Variants in LTBP1 observed in about 807,000 individuals in gnomAD.
LTBP1 encodes the protein latent-transforming growth factor beta-binding protein 1.
In LTBP1, 129 loss-of-function variants were observed where a neutral mutation model predicts 207.6. The ratio of observed to expected loss-of-function variants is 0.62; its 90% CI spans 0.54 to 0.72. The LOEUF is 0.72. Among genes scored for constraint, LTBP1 ranks in the 30% least tolerant of loss-of-function variants. The probability of loss-of-function intolerance (pLI) is 0.00; values close to 1 mark genes in which losing one functional copy is unlikely to be tolerated. For missense variants in LTBP1, 2,281 were observed against 2,217.2 expected (o/e 1.03, Z -0.58); for synonymous variants, 963 against 833.7 (o/e 1.16, Z -2.67).
intron 24 of LTBP1, among the ~76,000 whole-genome samples, chr2:33,341,920 T>C (rs886336454): frequency 2.0e-5 from 3 of 152,188 alleles, no homozygotes; most frequent in African/African-American, 4.8e-5. Context: ...ATTTGGATGC[T>C]GTCATTAACA....
intron 17 of LTBP1, among the ~76,000 whole-genome samples, chr2:33,275,475 G>A (rs779834668): frequency 2.0e-5 from 3 of 152,026 alleles, no homozygotes; most frequent in African/African-American, 2.4e-5. Context: ...ACCTGAGGTC[G>A]GGAGTTTGAG....
intron 33 of LTBP1, 30 bp downstream of exon 33, chr2:33,397,312 T>G: frequency 6.2e-7 from 1 of 1,611,816 alleles, no homozygotes; most frequent in Non-Finnish European, 8.5e-7. Flanking sequence ...TATGGGACAT[T>G]AATTTTTTCC....
intron 18 of LTBP1, among the ~76,000 whole-genome samples, chr2:33,278,699 T>A (rs2083134130): frequency 6.6e-6 from 1 of 152,220 alleles, no homozygotes; most frequent in South Asian, 2.1e-4. Flanking sequence ...ATTCTCTGAT[T>A]TAGCAGTTGT....
At chr2:33,046,123 T>G (rs1356797748) in intron 3 of LTBP1, among the ~76,000 whole-genome samples, 4 of 152,170 alleles carry the variant, frequency 2.6e-5, no homozygotes, top group African/African-American at 9.7e-5. Flanking sequence ...CTTGCCTGAT[T>G]TCACTGGCCA....
chr2:33,129,625 CAT>C (rs1231181829), intron 4 of LTBP1, among the ~76,000 whole-genome samples: 2 of 152,170 alleles, frequency 1.3e-5, no homozygotes, highest in Non-Finnish European at 2.9e-5. Flanking sequence ...TTCTCTTTAA[CAT>C]ATTTAATTAA....
chr2:32,949,309 C>T (rs1383543503), intron 2 of LTBP1, among the ~76,000 whole-genome samples: 2 of 152,184 alleles, frequency 1.3e-5, no homozygotes, highest in African/African-American at 2.4e-5. Context: ...AAATGAAAGA[C>T]ATTCTTTACG....
intron 3 of LTBP1, among the ~76,000 whole-genome samples, chr2:33,035,345 A>G (rs1410764706): frequency 6.6e-6 from 1 of 152,252 alleles, no homozygotes; most frequent in African/African-American, 2.4e-5. Context: ...AAAACTGCGT[A>G]GAGTTCCATG....
chr2:32,963,048 G>T lies in LTBP1; in HGVS notation c.565+14103G>T, dbSNP rs149068158. On this transcript the variant is annotated intron_variant, in intron 2 of 33. Coordinates refer to ENST00000404816, the MANE Select transcript of LTBP1 (RefSeq NM_206943.4). ...GGAAATCAGCTCTTTTGGGCTCCAG[G>T]CCTTGAGAGTAGAGGCTTCATTTAC... 6.6e-5 allele frequency among the ~76,000 whole-genome samples: 10 copies of T among 152,120 alleles called. No individual in the cohort carries two copies. In the East Asian group the frequency reaches 1.9e-3, roughly 29 times the overall value.
chr2:33,232,344 C>T (rs2091838021), intron 9 of LTBP1, among the ~76,000 whole-genome samples: 2 of 152,146 alleles, frequency 1.3e-5, no homozygotes, highest in Non-Finnish European at 2.9e-5. Flanking sequence ...AGGAGCCTGA[C>T]TAGAGTTTGA....
In LTBP1 at chr2:33,020,993, C is replaced by A. The variant is rs373925915; in HGVS notation, c.650C>A (p.Ala217Asp). 52 of 1,613,586 alleles carry A rather than the reference C, an allele frequency of 3.2e-5. No homozygotes were observed. The highest frequency in any genetic ancestry group is 2.2e-5 in the South Asian group (2 of 90,976). Residue 217 changes from alanine to aspartate, a missense_variant, in exon 3 of 34, where the codon GCC (alanine) becomes GAC (aspartate). Coordinates refer to ENST00000404816, the MANE Select transcript of LTBP1 (RefSeq NM_206943.4). ...CVCKPGTKGKACETIAAQDTS... is the reference protein window; with the variant it reads ...CVCKPGTKGKDCETIAAQDTS... ...TGTAAACCAGGGACCAAGGGCAAAGCCTGTGAAACAATAGCTGCCCAGGAC... is the reference window on the plus strand; with the variant it reads ...TGTAAACCAGGGACCAAGGGCAAAGACTGTGAAACAATAGCTGCCCAGGAC...
intron 2 of LTBP1, among the ~76,000 whole-genome samples, chr2:32,964,507 T>G (rs1679637675): frequency 6.6e-6 from 1 of 152,182 alleles, no homozygotes; most frequent in Non-Finnish European, 1.5e-5. Flanking sequence ...CATCAGTTAT[T>G]GTAGTAATAG....
chr2:33,046,248 G>A (rs2076436096), intron 3 of LTBP1, among the ~76,000 whole-genome samples: 1 of 152,098 alleles, frequency 6.6e-6, no homozygotes, highest in Non-Finnish European at 1.5e-5. Context: ...TTGGCTGTGG[G>A]TTTGTCATAA....
intron 5 of LTBP1, among the ~76,000 whole-genome samples, chr2:33,142,047 C>A (rs1378373322): frequency 6.6e-6 from 1 of 151,886 alleles, no homozygotes; most frequent in Non-Finnish European, 1.5e-5. Flanking sequence ...AGTAGTGTCA[C>A]CTTTCTTCAG....
intron 9 of LTBP1, among the ~76,000 whole-genome samples, chr2:33,228,675 T>G (rs530614393): frequency 6.9e-6 from 1 of 145,266 alleles, no homozygotes; most frequent in East Asian, 2.0e-4. Flanking sequence ...AGATAGTTAA[T>G]AAGCCCAACC....
At chr2:33,223,407 G>A (rs1202117191) in intron 9 of LTBP1, among the ~76,000 whole-genome samples, 1 of 152,178 alleles carries the variant, frequency 6.6e-6, no homozygotes, top group Non-Finnish European at 1.5e-5. Flanking sequence ...AGAATGTTGA[G>A]AAAATTAGAA....
chr2:33,236,294 T>C (rs1165925537), intron 9 of LTBP1, among the ~76,000 whole-genome samples: 1 of 152,222 alleles, frequency 6.6e-6, no homozygotes, highest in Non-Finnish European at 1.5e-5. Context: ...CCAGATCATG[T>C]TTTACAGTGG....
chr2:33,353,442 T>C (rs763022990), intron 26 of LTBP1, among the ~76,000 whole-genome samples: 6 of 152,210 alleles, frequency 3.9e-5, no homozygotes, highest in Non-Finnish European at 8.8e-5. Flanking sequence ...CTGCGTCTTA[T>C]TCTCTCTGCA....
In LTBP1 at chr2:33,249,173, A is replaced by G. The variant is rs529970449; in HGVS notation, c.2000-3504A>G. The stretch of plus-strand genomic sequence containing the variant: ...TTTCTGAAATCCTCCCTACTTTTCA[A>G]CTTCTTCTAAGTACCAGATTAATTA... On this transcript the variant is annotated intron_variant, in intron 10 of 33. Coordinates refer to ENST00000404816, the MANE Select transcript of LTBP1 (RefSeq NM_206943.4). Among the ~76,000 whole-genome samples, 106 of 152,202 alleles carry G rather than the reference A, an allele frequency of 7.0e-4. 1 individual carries two copies. The highest frequency in any genetic ancestry group is 2.3e-3 in the African/African-American group (96 of 41,524).
At chr2:33,195,307 T>G (rs1234919752) in intron 7 of LTBP1, among the ~76,000 whole-genome samples, 1 of 152,202 alleles carries the variant, frequency 6.6e-6, no homozygotes, top group Non-Finnish European at 1.5e-5. Context: ...AATAAAAAGC[T>G]TTCTGGAAAG....
Sources: gnomAD v4.1 joint callset for allele counts (sites outside exome capture counted in the v4.1 genomes callset) on GRCh38, gnomAD v4.1.1 for gene constraint, MANE v1.5 for transcripts, NCBI Gene and HGNC (gene_info 2026-07-23, HGNC 2026-07-21) for gene names.